MARCHF1: variants seen among roughly 807,000 people sequenced by gnomAD.
The protein encoded by MARCHF1 is membrane associated ring-CH-type finger 1, also known as E3 ubiquitin-protein ligase MARCHF1.
MARCHF1 carries 40 observed loss-of-function variants against 54.2 expected under a neutral mutation model. That is an observed-to-expected ratio of 0.74 (90% confidence interval 0.57 to 0.96). MARCHF1 has a LOEUF of 0.96. MARCHF1 is among the 40% of genes least tolerant of loss of function. The pLI, the probability that MARCHF1 is intolerant of heterozygous loss-of-function variation, is 0.00. For synonymous variants in MARCHF1, 236 were observed against 236.3 expected (o/e 1.00, Z 0.01); for missense variants, 586 against 656.5 (o/e 0.89, Z 1.17).
At chr4:163,848,649 TTG>T (rs533890551) in intron 4 of MARCHF1, among the ~76,000 whole-genome samples, 300 of 152,292 alleles carry the variant, frequency 2.0e-3, no homozygotes, top group Middle Eastern at 3.4e-3. Context: ...ATGAGTAAAA[TTG>T]TGTTACACTA....
At chr4:164,285,496 G>T (rs1734120013) in intron 1 of MARCHF1, among the ~76,000 whole-genome samples, 1 of 151,978 alleles carries the variant, frequency 6.6e-6, no homozygotes, top group African/African-American at 2.4e-5. Context: ...AGGCTGGAGT[G>T]CAGTGGCGCG....
intron 2 of MARCHF1, among the ~76,000 whole-genome samples, chr4:164,041,870 T>C (rs544149542): frequency 2.0e-5 from 3 of 152,278 alleles, no homozygotes; most frequent in Admixed American, 1.3e-4. Context: ...GTAGCTATCA[T>C]AGAACACTAA....
intron 2 of MARCHF1, among the ~76,000 whole-genome samples, chr4:164,044,308 A>G (rs11731058): frequency 0.15 from 22,777 of 152,206 alleles, 2,091 homozygotes; most frequent in Middle Eastern, 0.21. Flanking sequence ...CAGGCTTAAC[A>G]GGAAGCATAA....
At chr4:163,728,350 G>T (rs554863794) in intron 4 of MARCHF1, among the ~76,000 whole-genome samples, 2 of 152,200 alleles carry the variant, frequency 1.3e-5, no homozygotes, top group East Asian at 3.9e-4. Flanking sequence ...ATAACTTTCT[G>T]GGATGGCAAC....
At chr4:163,682,787 C>T (rs570199149) in intron 5 of MARCHF1, among the ~76,000 whole-genome samples, 9 of 152,272 alleles carry the variant, frequency 5.9e-5, no homozygotes, top group African/African-American at 2.2e-4. Context: ...TGAAGAAGGA[C>T]ATGTTTGCCT....
At chr4:164,136,336 A>G (rs948255507) in intron 1 of MARCHF1, among the ~76,000 whole-genome samples, 2 of 151,410 alleles carry the variant, frequency 1.3e-5, no homozygotes, top group Non-Finnish European at 2.9e-5. Flanking sequence ...GTTTCACTTT[A>G]CTTGCATCAT....
chr4:164,379,483 T>C (rs558599159), intron 1 of MARCHF1, among the ~76,000 whole-genome samples: 3 of 152,236 alleles, frequency 2.0e-5, no homozygotes, highest in Admixed American at 2.0e-4. Flanking sequence ...ACCAATGAAT[T>C]TCACCTGATG....
intron 8 of MARCHF1, among the ~76,000 whole-genome samples, chr4:163,574,450 C>G (rs1261934347): frequency 2.7e-5 from 4 of 150,646 alleles, no homozygotes; most frequent in Admixed American, 6.6e-5. Flanking sequence ...GGTTTTAGGT[C>G]TAACGTTTAA....
chr4:163,647,155 T>C (rs1190198425), intron 5 of MARCHF1, among the ~76,000 whole-genome samples: 1 of 151,980 alleles, frequency 6.6e-6, no homozygotes, highest in African/African-American at 2.4e-5. Context: ...AATGTTAAAG[T>C]AGACAAAGAA....
At position 163,594,542 on chromosome 4, in the gene MARCHF1, G is replaced by A. The variant is rs1485708930; in HGVS notation, c.1011-8613C>T. The stretch of plus-strand genomic sequence containing the variant: ...CACAAACTAACTTTAATTGTATTTA[G>A]TTGAGTAGGAACCCACTACATAATT... On this transcript the variant is annotated intron_variant, in intron 7 of 9. Coordinates refer to ENST00000514618, the MANE Select transcript of MARCHF1 (RefSeq NM_001394959.1). 2.0e-5 allele frequency among the ~76,000 whole-genome samples: 3 copies of A among 149,044 alleles called. No individual in the cohort carries two copies. In the South Asian group the frequency reaches 6.4e-4, roughly 32 times the overall value.
intron 2 of MARCHF1, among the ~76,000 whole-genome samples, chr4:163,992,278 T>A (rs562443729): frequency 1.5e-4 from 23 of 152,204 alleles, no homozygotes; most frequent in African/African-American, 5.3e-4. Context: ...CAGCAGGTAA[T>A]GTATAAAATT....
intron 1 of MARCHF1, among the ~76,000 whole-genome samples, chr4:164,259,283 C>T (rs1163912643): frequency 1.3e-5 from 2 of 152,000 alleles, no homozygotes; most frequent in Non-Finnish European, 2.9e-5. Flanking sequence ...TGGCTCACTC[C>T]TGTAATCCCA....
At chr4:164,036,157 C>CA (rs1753997445) in intron 2 of MARCHF1, among the ~76,000 whole-genome samples, 1 of 138,440 alleles carries the variant, frequency 7.2e-6, no homozygotes, top group African/African-American at 2.6e-5. Flanking sequence ...TTTTAATTAA[C>CA]AAAAAAGGAG....
intron 2 of MARCHF1, among the ~76,000 whole-genome samples, chr4:164,048,481 A>C (rs916797207): frequency 2.6e-5 from 4 of 152,180 alleles, no homozygotes; most frequent in Non-Finnish European, 4.4e-5. Context: ...ATCTTCGGCC[A>C]ACAACTGCTT....
At chr4:163,551,259 G>C (rs1454931342) in intron 8 of MARCHF1, among the ~76,000 whole-genome samples, 1 of 152,144 alleles carries the variant, frequency 6.6e-6, no homozygotes. Context: ...TCAAATTAGT[G>C]TTTAGGTAAC....
At chr4:163,560,781 A>G (rs1358026049) in intron 8 of MARCHF1, among the ~76,000 whole-genome samples, 1 of 152,164 alleles carries the variant, frequency 6.6e-6, no homozygotes, top group Admixed American at 6.5e-5. Flanking sequence ...TTTAAATGCT[A>G]TTGCAAATAA....
At chr4:164,153,835 G>T (rs1730007397) in intron 1 of MARCHF1, among the ~76,000 whole-genome samples, 1 of 152,064 alleles carries the variant, frequency 6.6e-6, no homozygotes, top group Non-Finnish European at 1.5e-5. Flanking sequence ...CAACATGTAT[G>T]ATATATACAT....
At chr4:164,129,690 A>G in intron 1 of MARCHF1, among the ~76,000 whole-genome samples, 1 of 152,198 alleles carries the variant, frequency 6.6e-6, no homozygotes, top group East Asian at 1.9e-4. Flanking sequence ...AGCAGTGAGT[A>G]CAATCAAGTG....
intron 5 of MARCHF1, among the ~76,000 whole-genome samples, chr4:163,632,305 G>A (rs1023398735): frequency 5.9e-5 from 9 of 152,156 alleles, no homozygotes; most frequent in South Asian, 2.1e-4. Flanking sequence ...CGCAGAAGAC[G>A]GGTGATTTCT....
Sources: allele counts gnomAD v4.1 joint callset (sites outside exome capture counted in the v4.1 genomes callset), GRCh38; gene constraint gnomAD v4.1.1; transcripts MANE v1.5; gene names NCBI Gene and HGNC (gene_info 2026-07-23, HGNC 2026-07-21).